Variants in CNTN5 observed in about 807,000 individuals in gnomAD.
CNTN5 encodes contactin 5.
A neutral mutation model predicts 129.1 loss-of-function variants in CNTN5; 77 were observed. The ratio of observed to expected loss-of-function variants is 0.60; its 90% CI spans 0.50 to 0.72. CNTN5 has a LOEUF of 0.72. Ranked by LOEUF, CNTN5 falls within the 30% of genes least tolerant of loss-of-function variation. The pLI is 0.00. For synonymous variants in CNTN5, 509 were observed against 465.6 expected (o/e 1.09, Z -1.20); for missense variants, 1,478 against 1,328.8 (o/e 1.11, Z -1.75).
intron 1 of CNTN5, among the ~76,000 whole-genome samples, chr11:99,319,795 C>G (rs145883166): frequency 6.6e-6 from 1 of 151,848 alleles, no homozygotes; most frequent in African/African-American, 2.4e-5. Context: ...TGAAGTAGGC[C>G]GACAGTGAAA....
chr11:99,324,637 A>G (rs1865705787), intron 1 of CNTN5, among the ~76,000 whole-genome samples: 1 of 152,176 alleles, frequency 6.6e-6, no homozygotes, highest in South Asian at 2.1e-4. Context: ...TAAACAATGA[A>G]CTTCATTAGA....
chr11:99,804,834 A>T (rs1372591874), intron 3 of CNTN5, among the ~76,000 whole-genome samples: 2 of 150,026 alleles, frequency 1.3e-5, no homozygotes, highest in Non-Finnish European at 3.0e-5. Context: ...TTTTATATGT[A>T]TATACATATA....
intron 7 of CNTN5, among the ~76,000 whole-genome samples, chr11:99,920,498 A>G (rs1189519168): frequency 6.6e-6 from 1 of 152,132 alleles, no homozygotes; most frequent in Non-Finnish European, 1.5e-5. Context: ...AACCATGTCT[A>G]AATCTGAACT....
intron 1 of CNTN5, among the ~76,000 whole-genome samples, chr11:99,235,653 T>G (rs1052106934): frequency 3.3e-5 from 5 of 152,200 alleles, no homozygotes; most frequent in Admixed American, 1.3e-4. Context: ...CCTTATTTTA[T>G]CCAGATTTGG....
intron 1 of CNTN5, among the ~76,000 whole-genome samples, chr11:99,207,732 A>T (rs1859556170): frequency 6.6e-6 from 1 of 152,134 alleles, no homozygotes; most frequent in African/African-American, 2.4e-5. Context: ...TGATAAGAGA[A>T]CTTACTTATT....
intron 13 of CNTN5, among the ~76,000 whole-genome samples, chr11:100,130,788 G>A (rs754973463): frequency 6.4e-4 from 97 of 152,070 alleles, no homozygotes; most frequent in Non-Finnish European, 7.2e-4. Context: ...GGAGGGAGGG[G>A]AGTTAAAGAG....
At chr11:99,556,121 A>G in intron 2 of CNTN5, 24 bp from the exon 3 acceptor site, 1 of 619,554 alleles carries the variant, frequency 1.6e-6, no homozygotes, top group Non-Finnish European at 2.6e-6. Context: ...TCTGTTTAAG[A>G]AAATTGTTAT....
chr11:99,372,118 C>T (rs569658644), intron 2 of CNTN5, among the ~76,000 whole-genome samples: 1 of 152,316 alleles, frequency 6.6e-6, no homozygotes, highest in Non-Finnish European at 1.5e-5. Context: ...TTATGAAAAA[C>T]TAATCTTACA....
chr11:100,067,843 C>G (rs980739149), intron 10 of CNTN5, among the ~76,000 whole-genome samples: 1 of 151,182 alleles, frequency 6.6e-6, no homozygotes, highest in Non-Finnish European at 1.5e-5. Flanking sequence ...AAAAAAAAAT[C>G]TAAAGAAAGG....
At chr11:99,912,766 G>T (rs1949695107) in intron 6 of CNTN5, among the ~76,000 whole-genome samples, 1 of 151,616 alleles carries the variant, frequency 6.6e-6, no homozygotes, top group Non-Finnish European at 1.5e-5. Context: ...AAAAAGAAAG[G>T]TCAGAGCAAA....
chr11:99,360,961 G>C (rs1939068462), intron 2 of CNTN5, among the ~76,000 whole-genome samples: 1 of 152,090 alleles, frequency 6.6e-6, no homozygotes, highest in South Asian at 2.1e-4. Flanking sequence ...ATTTTGCTTA[G>C]ATTTTTTTTG....
intron 1 of CNTN5, among the ~76,000 whole-genome samples, chr11:99,132,671 A>G (rs563286727): frequency 6.6e-6 from 1 of 152,312 alleles, no homozygotes; most frequent in South Asian, 2.1e-4. Flanking sequence ...CAAAAAGAAT[A>G]AAATACCTGG....
At chr11:99,362,128 C>A (rs1187739501) in intron 2 of CNTN5, among the ~76,000 whole-genome samples, 1 of 151,978 alleles carries the variant, frequency 6.6e-6, no homozygotes, top group Admixed American at 6.6e-5. Context: ...CCTAATAACA[C>A]ATGTTATATT....
At chr11:99,477,369 A>G (rs998999940) in intron 2 of CNTN5, among the ~76,000 whole-genome samples, 3 of 151,766 alleles carry the variant, frequency 2.0e-5, no homozygotes, top group Non-Finnish European at 4.4e-5. Context: ...TGAATCTAGT[A>G]TTTTCTTCAT....
At position 99,201,377 on chromosome 11, in the gene CNTN5, T is replaced by TCCTTCCTTCCTTCCTTCCTTCCTC. The variant is rs770352934; in HGVS notation, c.-209-123964_-209-123963insCTTCCTTCCTTCCTTCCTCCCTTC. On this transcript the variant is annotated intron_variant, in intron 1 of 24. Coordinates refer to ENST00000524871, the MANE Select transcript of CNTN5 (RefSeq NM_014361.4). Reference sequence around the variant, plus strand: ...TTCCTTCCTTCCTTCCTTCCTTCCTTCCTTCTTTCCTTCCTTCCTTCCCTT... The same window carrying TCCTTCCTTCCTTCCTTCCTTCCTC: ...TTCCTTCCTTCCTTCCTTCCTTCCTTCCTTCCTTCCTTCCTTCCTTCCTCCCTTCTTTCCTTCCTTCCTTCCCTT... Among the ~76,000 whole-genome samples, 97 of 141,658 alleles carry TCCTTCCTTCCTTCCTTCCTTCCTC rather than the reference T, an allele frequency of 6.8e-4. 2 individuals carry two copies. The highest frequency in any genetic ancestry group is 1.2e-3 in the South Asian group (5 of 4,284). The allele number at this position is 141,658 out of a possible 152,430, so 92.9% of individuals were successfully genotyped here.
intron 6 of CNTN5, among the ~76,000 whole-genome samples, chr11:99,909,985 A>G (rs1490295879): frequency 6.6e-6 from 1 of 152,082 alleles, no homozygotes; most frequent in Admixed American, 6.6e-5. Context: ...GAATTGTAGC[A>G]TTATATCATG....
intron 13 of CNTN5, among the ~76,000 whole-genome samples, chr11:100,168,738 T>A (rs1475854090): frequency 6.6e-6 from 1 of 151,628 alleles, no homozygotes; most frequent in African/African-American, 2.4e-5. Context: ...TCAAGTCTTA[T>A]TATTTAAGAA....
intron 1 of CNTN5, among the ~76,000 whole-genome samples, chr11:99,103,917 A>C (rs1236968836): frequency 6.6e-6 from 1 of 152,172 alleles, no homozygotes; most frequent in Non-Finnish European, 1.5e-5. Flanking sequence ...CTCCTCTATC[A>C]TCTTCAAAAC....
rs558371381 is a variant in CNTN5 at position 99,332,492 on chromosome 11, G to A, written c.-71+7008G>A. 7.2e-5 allele frequency among the ~76,000 whole-genome samples: 11 copies of A among 152,138 alleles called. No homozygotes were observed. The East Asian group carries it at 1.7e-3, about 24-fold the overall frequency. Reference sequence around the variant, plus strand: ...AATATTTGAAGAATAAATTACATAAGTAACAGTTGATATGGCTGATAGTCA... The same window carrying A: ...AATATTTGAAGAATAAATTACATAAATAACAGTTGATATGGCTGATAGTCA... On this transcript the variant is annotated intron_variant, in intron 2 of 24. Coordinates refer to ENST00000524871, the MANE Select transcript of CNTN5 (RefSeq NM_014361.4).
Sources: allele counts gnomAD v4.1 joint callset (sites outside exome capture counted in the v4.1 genomes callset), GRCh38; gene constraint gnomAD v4.1.1; transcripts MANE v1.5; gene names NCBI Gene and HGNC (gene_info 2026-07-23, HGNC 2026-07-21).